The following BOC variants were observed in gnomAD, a reference collection of about 807,000 sequenced individuals.
The protein encoded by BOC is brother of CDO.
A neutral mutation model predicts 112.0 loss-of-function variants in BOC; 76 were observed. The ratio of observed to expected loss-of-function variants is 0.68; its 90% CI spans 0.56 to 0.82. The LOEUF (loss-of-function observed/expected upper bound fraction) is 0.82. Ranked by LOEUF, BOC falls within the 40% of genes least tolerant of loss-of-function variation. The pLI is 0.00. For missense variants in BOC, 1,309 were observed against 1,511.7 expected (o/e 0.87, Z 2.22); for synonymous variants, 580 against 599.8 (o/e 0.97, Z 0.48).
chr3:113,271,725 T>G (rs1463977118), intron 6 of BOC: 6 of 168,986 alleles, frequency 3.6e-5, no homozygotes, highest in Non-Finnish European at 7.8e-5. Context: ...GAATCACACA[T>G]AGTCCCCTTG....
Position 113,283,411 on chromosome 3 carries a change from C to G in BOC, c.2435C>G (p.Ala812Gly). 2 of 1,595,222 alleles carry G rather than the reference C, an allele frequency of 1.3e-6. No individual in the cohort carries two copies. Among genetic ancestry groups the G allele is most frequent in the Non-Finnish European group, 1.7e-6 (2 of 1,165,878 alleles). ...FSNVMICETKARKSSGQPGRL... is the reference protein window; with the variant it reads ...FSNVMICETKGRKSSGQPGRL... Reference sequence around the variant, plus strand: ...AAGTGAGTTTTGTCCACAATTACAGCTCGGAAGTCTTCTGGCCAGCCTGGT... The same window carrying G: ...AAGTGAGTTTTGTCCACAATTACAGGTCGGAAGTCTTCTGGCCAGCCTGGT... The change falls in exon 16 of 20, where the codon GCT (alanine) becomes GGT (glycine). Residue 812 changes from alanine (A) to glycine (G), a missense_variant and splice_region_variant. By Grantham distance (60) the Ala-to-Gly change is moderately conservative (BLOSUM62 0). Coordinates refer to ENST00000682979, the MANE Select transcript of BOC (RefSeq NM_001378074.1).
At chr3:113,247,024 T>C (rs924239685) in intron 2 of BOC, among the ~76,000 whole-genome samples, 2 of 152,208 alleles carry the variant, frequency 1.3e-5, no homozygotes, top group Non-Finnish European at 2.9e-5. Flanking sequence ...AGTAAAATAT[T>C]TGTTGCTGTT....
intron 4 of BOC, among the ~76,000 whole-genome samples, chr3:113,259,244 C>T (rs1476084066): frequency 1.3e-5 from 2 of 152,212 alleles, no homozygotes; most frequent in African/African-American, 4.8e-5. Context: ...GGACTCTTAA[C>T]CCACTCCACC....
intron 2 of BOC, among the ~76,000 whole-genome samples, chr3:113,218,714 C>G (rs1309275413): frequency 6.6e-6 from 1 of 152,236 alleles, no homozygotes; most frequent in East Asian, 1.9e-4. Context: ...CACCTGCAAC[C>G]CTGCCTTCAG....
chr3:113,277,525 T>C (rs1282481014), intron 9 of BOC, among the ~76,000 whole-genome samples: 1 of 152,226 alleles, frequency 6.6e-6, no homozygotes, highest in East Asian at 1.9e-4. Context: ...CTCTAAACCT[T>C]AGTCTCCCTA....
chr3:113,284,287 C>T, intron 16 of BOC, 48 bp from the exon 17 acceptor site: 1 of 1,535,010 alleles, frequency 6.5e-7, no homozygotes, highest in Non-Finnish European at 9.0e-7. Flanking sequence ...TCCAACCCAT[C>T]CCGGGCTACC....
intron 2 of BOC, among the ~76,000 whole-genome samples, chr3:113,242,656 G>GT (rs1944450959): frequency 1.3e-5 from 2 of 151,890 alleles, no homozygotes; most frequent in Admixed American, 6.6e-5. Context: ...AGGAACCCAG[G>GT]TTTTGCTAAT....
Position 113,250,852 on chromosome 3 carries a change from C to T in BOC, c.376+19C>T, listed in dbSNP as rs753165262. On this transcript the variant is annotated intron_variant, in intron 4 of 19. Coordinates refer to ENST00000682979, the MANE Select transcript of BOC (RefSeq NM_001378074.1). ...CTAGCCAGTGAGTCTGCTCCTTTGC[C>T]TCCCTGCCATGGTGCGGTCCCTCCT... 2.5e-5 allele frequency: 41 copies of T among 1,611,824 alleles called. No homozygotes were observed. Among genetic ancestry groups the T allele is most frequent in the Non-Finnish European group, 3.1e-5 (37 of 1,179,964 alleles).
intron 4 of BOC, chr3:113,251,440 A>C: frequency 6.4e-6 from 1 of 155,080 alleles, no homozygotes; most frequent in Non-Finnish European, 1.4e-5. Flanking sequence ...AAAAGAAACA[A>C]GGAAGAGATG....
rs766552892 is a variant in BOC, at chr3:113,274,481, G to A, written c.1341G>A (p.Ala447=). Residue 447 remains alanine (A), a synonymous_variant, in exon 9 of 20, where the codon GCG becomes GCA. Transcript: ENST00000682979. The surrounding 1 kb of genome is among the most constrained non-coding windows in gnomAD (Gnocchi z 4.8). The stretch of plus-strand genomic sequence containing the variant: ...AGCAGATGCTGAGGGGGCAACCGGC[G>A]CTCCCCAGACCCCCAACGTCAGTGG... ...NPEQMLRGQP[A]LPRPPTSVGP... 9 of 1,611,490 alleles carry A rather than the reference G, an allele frequency of 5.6e-6. No individual in the cohort carries two copies. Among genetic ancestry groups the A allele is most frequent in the African/African-American group, 1.3e-5 (1 of 74,860 alleles).
chr3:113,214,697 G>A (rs559669749), intron 1 of BOC, among the ~76,000 whole-genome samples: 46 of 152,284 alleles, frequency 3.0e-4, no homozygotes, highest in African/African-American at 1.0e-3. Flanking sequence ...GAAAAGAATC[G>A]AAATTTGAGA....
intron 19 of BOC, among the ~76,000 whole-genome samples, chr3:113,285,902 C>G (rs1486425057): frequency 6.6e-6 from 1 of 152,234 alleles, no homozygotes; most frequent in Non-Finnish European, 1.5e-5. Flanking sequence ...TGCTGCTCAT[C>G]ACACTAAGAG....
At position 113,227,277 on chromosome 3, in the gene BOC, C is replaced by T. The variant is rs140756413; in HGVS notation, c.-82+11003C>T. Among the ~76,000 whole-genome samples, 785 of 152,316 alleles carry T rather than the reference C, an allele frequency of 5.2e-3. 16 individuals are homozygous for T. The highest frequency in any genetic ancestry group is 0.018 in the African/African-American group (747 of 41,554). On this transcript the variant is annotated intron_variant, in intron 2 of 19. Transcript: ENST00000682979. ...GTGTTCATAAGCCCAAGCTGGCTTC[C>T]TTTATGGGTCTGCACCTGGACCTCA...
At chr3:113,283,668 G>A in intron 16 of BOC, 36 bp downstream of exon 16, 1 of 1,590,744 alleles carries the variant, frequency 6.3e-7, no homozygotes, top group Non-Finnish European at 8.6e-7. Flanking sequence ...AGGATCCTGG[G>A]TGGGAAATGG....
At chr3:113,214,760 CAT>C (rs199962778) in intron 1 of BOC, among the ~76,000 whole-genome samples, 2,256 of 152,282 alleles carry the variant, frequency 0.015, 68 homozygotes, top group African/African-American at 0.051. Context: ...TTTACTCTAA[CAT>C]ATGTAACTTC....
In BOC at chr3:113,217,627, G is replaced by A. The variant is rs369293630; in HGVS notation, c.-82+1353G>A. On this transcript the variant is annotated intron_variant, in intron 2 of 19. Coordinates refer to ENST00000682979, the MANE Select transcript of BOC (RefSeq NM_001378074.1). ...AGGCAAAGTCTTAAAAGCAGAGATG[G>A]GACCAATAGTACCAAAGTGTTCTTT... Among the ~76,000 whole-genome samples, 25 of 152,106 alleles carry A rather than the reference G, an allele frequency of 1.6e-4. No homozygotes were observed. The South Asian group carries it at 5.2e-3, about 32-fold the overall frequency.
At chr3:113,248,021 A>G (rs80033083) in intron 2 of BOC, among the ~76,000 whole-genome samples, 17,878 of 152,190 alleles carry the variant, frequency 0.12, 1,565 homozygotes, top group African/African-American at 0.25. Context: ...CTCTGATGTC[A>G]AAGTCATGAG....
Position 113,284,468 on chromosome 3 carries a change from C to G in BOC, c.2790C>G (p.Ala930=), listed in dbSNP as rs1287543002. The change falls in exon 17 of 20, where the codon GCC becomes GCG. Residue 930 remains alanine, a synonymous_variant. Transcript: ENST00000682979. ...QPYLSGISGR[A]CANGIHMNRG... ...ACCTCAGTGGCATCAGTGGACGGGCCTGTGCTAATGGGATCCACATGAATA... is the reference window on the plus strand; with the variant it reads ...ACCTCAGTGGCATCAGTGGACGGGCGTGTGCTAATGGGATCCACATGAATA... The G allele has an allele frequency of 6.2e-7, 1 of 1,614,126 alleles. No individual in the cohort carries two copies. Among genetic ancestry groups the G allele is most frequent in the African/African-American group, 1.3e-5 (1 of 74,934 alleles).
chr3:113,274,100 T>G lies in BOC; in HGVS notation c.1235-275T>G, dbSNP rs1455633016. Among the ~76,000 whole-genome samples, 2 of 152,148 alleles carry G rather than the reference T, an allele frequency of 1.3e-5. No individual in the cohort carries two copies. The highest frequency in any genetic ancestry group is 2.9e-5 in the Non-Finnish European group (2 of 68,014). ...GAAAATTGAGTTAGTTCACTGGAGATGCACCTCACGTGGATTCAGGAGTTT... is the reference window on the plus strand; with the variant it reads ...GAAAATTGAGTTAGTTCACTGGAGAGGCACCTCACGTGGATTCAGGAGTTT... On this transcript the variant is annotated intron_variant, in intron 8 of 19. Transcript: ENST00000682979. This position sits in a 1 kb window ranked among gnomAD's most constrained non-coding sequence, Gnocchi z 4.8.
Sources: allele counts gnomAD v4.1 joint callset (sites outside exome capture counted in the v4.1 genomes callset), GRCh38; gene constraint gnomAD v4.1.1; non-coding constraint Gnocchi (gnomAD v3.1); transcripts MANE v1.5; gene names NCBI Gene and HGNC (gene_info 2026-07-23, HGNC 2026-07-21).